The following RCSD1 variants were observed in gnomAD, a reference collection of about 807,000 sequenced individuals.
The protein encoded by RCSD1 is capZ-interacting protein.
A neutral mutation model predicts 42.5 loss-of-function variants in RCSD1; 26 were observed. That is an observed-to-expected ratio of 0.61 (90% CI 0.45 to 0.85). The LOEUF (loss-of-function observed/expected upper bound fraction) is 0.85. RCSD1 is among the 40% of genes least tolerant of loss of function. RCSD1 has a pLI of 0.00. For missense variants in RCSD1, 571 were observed against 528.3 expected, an observed-to-expected ratio of 1.08 and a Z score of -0.79; for synonymous variants, 220 against 212.2, an observed-to-expected ratio of 1.04 and a Z score of -0.32.
intron 1 of RCSD1, among the ~76,000 whole-genome samples, chr1:167,666,844 G>C (rs1190361728): frequency 6.6e-6 from 1 of 152,230 alleles, no homozygotes; most frequent in African/African-American, 2.4e-5. Flanking sequence ...GGACGGCTTT[G>C]AATGTGGCCT....
intron 2 of RCSD1, among the ~76,000 whole-genome samples, chr1:167,684,511 G>A (rs1017500798): frequency 1.3e-5 from 2 of 152,090 alleles, no homozygotes; most frequent in African/African-American, 4.8e-5. Flanking sequence ...TGTGACAAGG[G>A]AGGGTCTTAA....
intron 5 of RCSD1, among the ~76,000 whole-genome samples, chr1:167,695,160 G>C (rs1309237137): frequency 6.6e-6 from 1 of 152,262 alleles, no homozygotes; most frequent in African/African-American, 2.4e-5. Flanking sequence ...GCTTGAGCCT[G>C]CCGGCTAGGG....
At position 167,642,386 on chromosome 1, in the gene RCSD1, A is replaced by T. The variant is rs149879900; in HGVS notation, c.6+11957A>T. 1.1e-4 allele frequency among the ~76,000 whole-genome samples: 16 copies of T among 152,286 alleles called. 1 individual carries two copies. The highest frequency in any genetic ancestry group is 4.6e-4 in the Admixed American group (7 of 15,302). On this transcript the variant is annotated intron_variant, in intron 1 of 6. Transcript: ENST00000367854. Reference sequence around the variant, plus strand: ...TCTTACACGGCTTTTGTGGTCGGAGATGTTCTTGCAGATTGAAATGAAAAC... The same window carrying T: ...TCTTACACGGCTTTTGTGGTCGGAGTTGTTCTTGCAGATTGAAATGAAAAC...
chr1:167,635,532 C>T (rs957189134), intron 1 of RCSD1, among the ~76,000 whole-genome samples: 2 of 152,170 alleles, frequency 1.3e-5, no homozygotes, highest in African/African-American at 4.8e-5. Flanking sequence ...CACAGCACTG[C>T]GAGCCAGAGC....
chr1:167,632,327 T>G (rs1278337695), intron 1 of RCSD1, among the ~76,000 whole-genome samples: 1 of 152,154 alleles, frequency 6.6e-6, no homozygotes, highest in Non-Finnish European at 1.5e-5. Flanking sequence ...GGATTGGAGA[T>G]AAGAGAAAAG....
chr1:167,652,018 C>CTTTTTTTT (rs66622527), intron 1 of RCSD1, among the ~76,000 whole-genome samples: 1 of 108,102 alleles, frequency 9.3e-6, no homozygotes. Flanking sequence ...CTCTGTTCAT[C>CTTTTTTTT]TTTTTTTTTT....
intron 1 of RCSD1, among the ~76,000 whole-genome samples, chr1:167,634,379 G>GTTT (rs34071293): frequency 0.18 from 26,630 of 148,214 alleles, 3,063 homozygotes; most frequent in Non-Finnish European, 0.26. Context: ...GAAGATCAGG[G>GTTT]TTTTTTTTTT....
chr1:167,697,856 C>T lies in RCSD1; in HGVS notation c.1218+14C>T. 2.7e-6 allele frequency: 4 copies of T among 1,455,036 alleles called. No individual in the cohort carries two copies. Among genetic ancestry groups the T allele is most frequent in the Non-Finnish European group, 3.6e-6 (4 of 1,103,724 alleles). The allele number at this position is 1,455,036 out of a possible 1,614,324, so 90.1% of individuals were successfully genotyped here. A position where few individuals can be genotyped will look rare whatever the true frequency, so the allele number is the denominator to read the frequency against. ...CCCAAGCCGGAGGTAGGTGGCCTGGCTCGTTCACATGCAGAAGGCAGTGCC... is the reference window on the plus strand; with the variant it reads ...CCCAAGCCGGAGGTAGGTGGCCTGGTTCGTTCACATGCAGAAGGCAGTGCC... On this transcript the variant is annotated intron_variant, in intron 6 of 6. Transcript: ENST00000367854.
chr1:167,684,397 C>G (rs1417094886), intron 2 of RCSD1, among the ~76,000 whole-genome samples: 2 of 152,168 alleles, frequency 1.3e-5, no homozygotes, highest in Non-Finnish European at 2.9e-5. Context: ...GGGGCAGACT[C>G]CAAATCGAGA....
chr1:167,677,058 G>A (rs1268209956), intron 1 of RCSD1, among the ~76,000 whole-genome samples: 1 of 152,200 alleles, frequency 6.6e-6, no homozygotes, highest in African/African-American at 2.4e-5. Flanking sequence ...TGGTTAGGTA[G>A]GGGACATCTG....
At chr1:167,703,716 G>A (rs1320075856) in intron 6 of RCSD1, among the ~76,000 whole-genome samples, 2 of 152,082 alleles carry the variant, frequency 1.3e-5, no homozygotes, top group African/African-American at 4.8e-5. Context: ...AACCTTCACT[G>A]TCTCCATGCT....
At chr1:167,696,868 A>G (rs1659508849) in intron 5 of RCSD1, among the ~76,000 whole-genome samples, 1 of 152,192 alleles carries the variant, frequency 6.6e-6, no homozygotes, top group Non-Finnish European at 1.5e-5. Context: ...AATGGAAAGC[A>G]TTTGCATCTT....
chr1:167,635,515 G>A (rs1339312219), intron 1 of RCSD1, among the ~76,000 whole-genome samples: 1 of 152,208 alleles, frequency 6.6e-6, no homozygotes, highest in Non-Finnish European at 1.5e-5. Context: ...TCCGCAGCGT[G>A]GCTCCTCACA....
At chr1:167,702,983 G>A (rs890478720) in intron 6 of RCSD1, among the ~76,000 whole-genome samples, 2 of 152,138 alleles carry the variant, frequency 1.3e-5, no homozygotes, top group African/African-American at 4.8e-5. Context: ...CTAATTGCCT[G>A]ATTCAATTGC....
At chr1:167,646,635 T>C (rs1261258333) in intron 1 of RCSD1, among the ~76,000 whole-genome samples, 1 of 152,158 alleles carries the variant, frequency 6.6e-6, no homozygotes, top group East Asian at 1.9e-4. Context: ...ATCTAGGTTT[T>C]AAGCCCCACA....
intron 1 of RCSD1, among the ~76,000 whole-genome samples, chr1:167,669,779 A>T (rs147585059): frequency 1.3e-5 from 2 of 152,188 alleles, no homozygotes; most frequent in East Asian, 3.8e-4. Context: ...TTGCAGGGGC[A>T]GGGACCAGAG....
chr1:167,644,897 G>A (rs1323624264), intron 1 of RCSD1, among the ~76,000 whole-genome samples: 1 of 152,210 alleles, frequency 6.6e-6, no homozygotes, highest in Admixed American at 6.5e-5. Flanking sequence ...GCCAATAAGG[G>A]TATTCTGATT....
At chr1:167,654,995 G>T (rs1406149995) in intron 1 of RCSD1, among the ~76,000 whole-genome samples, 1 of 152,094 alleles carries the variant, frequency 6.6e-6, no homozygotes, top group Non-Finnish European at 1.5e-5. Flanking sequence ...CTCCAGATGG[G>T]CCTGTCATTG....
At chr1:167,665,207 G>A (rs371090250) in intron 1 of RCSD1, among the ~76,000 whole-genome samples, 1 of 152,122 alleles carries the variant, frequency 6.6e-6, no homozygotes, top group Non-Finnish European at 1.5e-5. Flanking sequence ...TATGTAAATA[G>A]AACCATACGG....
Sources: allele counts gnomAD v4.1 joint callset (sites outside exome capture counted in the v4.1 genomes callset), GRCh38; gene constraint gnomAD v4.1.1; transcripts MANE v1.5; gene names NCBI Gene and HGNC (gene_info 2026-07-23, HGNC 2026-07-21).